The following MAP4K3 variants were observed in gnomAD, a reference collection of about 807,000 sequenced individuals.
MAP4K3 encodes mitogen-activated protein kinase kinase kinase kinase 3.
A neutral mutation model predicts 143.5 loss-of-function variants in MAP4K3; 94 were observed. The ratio of observed to expected loss-of-function variants is 0.65; its 90% CI spans 0.55 to 0.78. The LOEUF (loss-of-function observed/expected upper bound fraction) is 0.78. MAP4K3 is among the 30% of genes least tolerant of loss of function. The pLI is 0.00. For synonymous variants in MAP4K3, 416 were observed against 347.2 expected (o/e 1.20, Z -2.20); for missense variants, 1,077 against 1,068.1 (o/e 1.01, Z -0.12).
chr2:39,422,354 C>G (rs909273578), intron 1 of MAP4K3, among the ~76,000 whole-genome samples: 1 of 152,100 alleles, frequency 6.6e-6, no homozygotes, highest in Non-Finnish European at 1.5e-5. Context: ...TGCTATATAT[C>G]TGACTCCAAA....
intron 18 of MAP4K3, 56 bp from the exon 19 acceptor site, chr2:39,290,390 T>C: frequency 9.1e-7 from 1 of 1,097,148 alleles, no homozygotes; most frequent in Non-Finnish European, 1.3e-6. Flanking sequence ...GAATCAATCC[T>C]AAAATATAAT....
chr2:39,280,821 G>C (rs1023752659), intron 22 of MAP4K3, among the ~76,000 whole-genome samples: 3 of 152,040 alleles, frequency 2.0e-5, no homozygotes, highest in Admixed American at 6.5e-5. Flanking sequence ...TGGCTGATTT[G>C]AAATTCATAT....
At chr2:39,250,896 T>C (rs956967586) in intron 33 of MAP4K3, among the ~76,000 whole-genome samples, 191 bp from the exon 34 acceptor site, 3 of 152,224 alleles carry the variant, frequency 2.0e-5, no homozygotes, top group Non-Finnish European at 4.4e-5. Context: ...TGCTGTCCAC[T>C]ACCTCCCACC....
At chr2:39,309,415 A>G (rs779984435) in intron 14 of MAP4K3, 46 bp downstream of exon 14, 2 of 1,406,596 alleles carry the variant, frequency 1.4e-6, no homozygotes, top group Non-Finnish European at 2.0e-6. Flanking sequence ...AAAACAAATT[A>G]AAACATTTAT....
intron 13 of MAP4K3, among the ~76,000 whole-genome samples, chr2:39,309,911 C>T (rs1682885637): frequency 6.6e-6 from 1 of 152,030 alleles, no homozygotes; most frequent in Non-Finnish European, 1.5e-5. Flanking sequence ...AAAGTTATTC[C>T]ATGGTGAAAG....
intron 1 of MAP4K3, among the ~76,000 whole-genome samples, chr2:39,404,201 A>G (rs1456554569): frequency 6.6e-6 from 1 of 152,076 alleles, no homozygotes; most frequent in Non-Finnish European, 1.5e-5. Flanking sequence ...AAGCAGAGAG[A>G]AGAGTAAAGG....
chr2:39,418,502 G>C (rs1005553924), intron 1 of MAP4K3, among the ~76,000 whole-genome samples: 3 of 152,152 alleles, frequency 2.0e-5, no homozygotes, highest in African/African-American at 7.2e-5. Flanking sequence ...GTGTGGCGCT[G>C]TGTTTAGTGA....
At chr2:39,254,639 C>A in intron 31 of MAP4K3, 119 bp from the exon 32 acceptor site, 3 of 666,488 alleles carry the variant, frequency 4.5e-6, no homozygotes, top group South Asian at 4.6e-5. Context: ...TCAGCTATTC[C>A]ATATTTATAT....
intron 1 of MAP4K3, among the ~76,000 whole-genome samples, chr2:39,406,802 G>T (rs1667104261): frequency 6.6e-6 from 1 of 152,142 alleles, no homozygotes; most frequent in Non-Finnish European, 1.5e-5. Context: ...AAACTCACTG[G>T]TAACAGTACA....
Position 39,286,936 on chromosome 2 carries a change from A to G in MAP4K3, c.1503T>C (p.Asn501=), listed in dbSNP as rs745757650. The G allele has an allele frequency of 1.9e-6, 3 of 1,608,192 alleles. No homozygotes were observed. In the South Asian group the frequency reaches 3.3e-5, roughly 18 times the overall value. Residue 501 remains asparagine, a synonymous_variant, in exon 21 of 34, where the codon AAT becomes AAC. Coordinates refer to ENST00000263881, the MANE Select transcript of MAP4K3 (RefSeq NM_003618.4). ...LGNGMSSFQL[N]GERDGSLCQQ... ...GACATAATGAGCCATCTCGTTCACC[A>G]TTTAACTGGAAGGAGCTCATTCCAT... is the stretch of plus-strand genomic sequence containing the variant.
chr2:39,290,252 A>G lies in MAP4K3; in HGVS notation c.1314+40T>C, dbSNP rs753068914. ...AACAAAGTATTAAATTGGCAGAACA[A>G]TAACACACATATATCAAATTGAAAA... On this transcript the variant is annotated intron_variant, in intron 19 of 33. Coordinates refer to ENST00000263881, the MANE Select transcript of MAP4K3 (RefSeq NM_003618.4). 6.7e-6 allele frequency: 10 copies of G among 1,502,040 alleles called. No individual in the cohort carries two copies. In the East Asian group the frequency reaches 1.6e-4, roughly 24 times the overall value. The allele number at this position is 1,502,040 out of a possible 1,614,324, so 93.0% of individuals were successfully genotyped here.
chr2:39,404,351 C>T (rs72931106), intron 1 of MAP4K3, among the ~76,000 whole-genome samples: 3,047 of 152,172 alleles, frequency 0.02, 106 homozygotes, highest in African/African-American at 0.07. Context: ...GAGCCCACTG[C>T]CCTGAATGGT....
chr2:39,276,636 G>A (rs565387616), intron 24 of MAP4K3, among the ~76,000 whole-genome samples: 3 of 152,332 alleles, frequency 2.0e-5, no homozygotes, highest in East Asian at 3.9e-4. Context: ...CTACCTGTGA[G>A]AGATTTCATG....
intron 18 of MAP4K3, among the ~76,000 whole-genome samples, chr2:39,291,716 T>C (rs979703299): frequency 2.0e-5 from 3 of 151,942 alleles, no homozygotes; most frequent in Non-Finnish European, 2.9e-5. Flanking sequence ...TGGAAACCCA[T>C]CTCTACCAAA....
intron 21 of MAP4K3, among the ~76,000 whole-genome samples, chr2:39,285,167 C>G (rs1681715961): frequency 6.6e-6 from 1 of 152,146 alleles, no homozygotes; most frequent in Admixed American, 6.5e-5. Flanking sequence ...ACTGGGATTA[C>G]AGATGTGACG....
rs1341621144 is a variant in MAP4K3, at chr2:39,282,561, A to G, written c.1588-7T>C. 8 of 1,607,686 alleles carry G rather than the reference A, an allele frequency of 5.0e-6. No individual in the cohort carries two copies. The highest frequency in any genetic ancestry group is 3.3e-5 in the South Asian group (3 of 90,378). On this transcript the variant is annotated splice_region_variant and splice_polypyrimidine_tract_variant and intron_variant, in intron 21 of 33. Transcript: ENST00000263881. ...GACCATTACTAATAGGCTTCTAGAA[A>G]AAGAACACATGTATGATTACACTTT... is the stretch of plus-strand genomic sequence containing the variant.
chr2:39,392,984 C>T (rs1271301835), intron 1 of MAP4K3, among the ~76,000 whole-genome samples: 1 of 152,132 alleles, frequency 6.6e-6, no homozygotes, highest in African/African-American at 2.4e-5. Flanking sequence ...GGGGACTAAG[C>T]CAGGTGTCCA....
intron 1 of MAP4K3, among the ~76,000 whole-genome samples, chr2:39,421,161 C>A (rs919047826): frequency 2.0e-5 from 3 of 152,178 alleles, no homozygotes; most frequent in Non-Finnish European, 2.9e-5. Flanking sequence ...ATCTACTCTT[C>A]GGTTCATCAA....
At chr2:39,331,044 T>C (rs1683667133) in intron 8 of MAP4K3, among the ~76,000 whole-genome samples, 1 of 152,154 alleles carries the variant, frequency 6.6e-6, no homozygotes, top group Non-Finnish European at 1.5e-5. Context: ...TTTTAAAATA[T>C]ATATTGATGA....
Sources: gnomAD v4.1 joint callset for allele counts (sites outside exome capture counted in the v4.1 genomes callset) on GRCh38, gnomAD v4.1.1 for gene constraint, MANE v1.5 for transcripts, NCBI Gene and HGNC (gene_info 2026-07-23, HGNC 2026-07-21) for gene names.